CIMAP1D: variants seen among roughly 807,000 people sequenced by gnomAD.
The protein encoded by CIMAP1D is CIMAP1 family member D.
At chr19:473,523 G>A in the CIMAP1D span, among the ~76,000 whole-genome samples, 2 of 33,296 alleles carry the variant, frequency 6.0e-5, no homozygotes, top group East Asian at 1.1e-3. Flanking sequence ...GAGAAACACG[G>A]TCACAGATGG....
At chr19:472,013 T>C in the CIMAP1D span, among the ~76,000 whole-genome samples, 7 of 152,254 alleles carry the variant, frequency 4.6e-5, no homozygotes, top group African/African-American at 1.7e-4. Flanking sequence ...CCTTAAGTGC[T>C]GGGATTTCAG....
chr19:490,240 C>CA, the CIMAP1D span: 2 of 301,882 alleles, frequency 6.6e-6, no homozygotes, highest in Non-Finnish European at 1.2e-5. Context: ...CCTGTGGTCC[C>CA]ACCTACTTGG....
chr19:486,730 C>T, the CIMAP1D span, among the ~76,000 whole-genome samples: 1 of 151,334 alleles, frequency 6.6e-6, no homozygotes, highest in Non-Finnish European at 1.5e-5. Context: ...CTGGCTAATA[C>T]AGTGAAACCC....
chr19:483,319 C>G, the CIMAP1D span, among the ~76,000 whole-genome samples: 1 of 150,926 alleles, frequency 6.6e-6, no homozygotes, highest in Non-Finnish European at 1.5e-5. Context: ...CAAAAGGCCA[C>G]TCTATGTCAG....
the CIMAP1D span, chr19:472,502 C>T: frequency 1.3e-6 from 2 of 1,540,480 alleles, no homozygotes; most frequent in Non-Finnish European, 1.8e-6. Flanking sequence ...GGCCCCGAGC[C>T]TGCAGCCCAA....
the CIMAP1D span, among the ~76,000 whole-genome samples, chr19:467,978 G>A: frequency 6.6e-6 from 1 of 152,174 alleles, no homozygotes; most frequent in Non-Finnish European, 1.5e-5. Context: ...CACAGTCAAA[G>A]TGATTCTGCT....
the CIMAP1D span, among the ~76,000 whole-genome samples, chr19:488,000 C>A: frequency 2.6e-5 from 4 of 152,110 alleles, no homozygotes; most frequent in African/African-American, 7.2e-5. Context: ...GTGCATGCAG[C>A]CCCCAGTCAC....
chr19:481,034 TGGGAAGGATGATG>T, the CIMAP1D span, among the ~76,000 whole-genome samples: 2 of 126,756 alleles, frequency 1.6e-5, no homozygotes, highest in African/African-American at 6.3e-5. Context: ...AGAAGGAATG[TGGGAAGGATGATG>T]GGGAAGGATG....
the CIMAP1D span, among the ~76,000 whole-genome samples, chr19:473,312 T>A: frequency 1.0e-4 from 2 of 19,064 alleles, no homozygotes; most frequent in Admixed American, 5.8e-4. Flanking sequence ...TAGGCAGAGA[T>A]ACATGGTCAC....
At chr19:465,668 G>A in the CIMAP1D span, among the ~76,000 whole-genome samples, 2 of 141,958 alleles carry the variant, frequency 1.4e-5, no homozygotes, top group Non-Finnish European at 3.1e-5. Flanking sequence ...TGGGTGGGTA[G>A]ATGGATGGGC....
At chr19:477,911 G>A in the CIMAP1D span, among the ~76,000 whole-genome samples, 6 of 152,148 alleles carry the variant, frequency 3.9e-5, no homozygotes, top group Non-Finnish European at 8.8e-5. Context: ...TGACCATCCG[G>A]ACCTGCTTTC....
chr19:491,291 T>G, the CIMAP1D span, among the ~76,000 whole-genome samples: 2 of 151,996 alleles, frequency 1.3e-5, no homozygotes, highest in African/African-American at 4.8e-5. Flanking sequence ...AAAGAAGGCT[T>G]TTAAAGAAAC....
the CIMAP1D span, among the ~76,000 whole-genome samples, chr19:471,836 G>T: frequency 1.3e-5 from 2 of 151,844 alleles, no homozygotes; most frequent in Non-Finnish European, 2.9e-5. Context: ...TCCGCCTCCC[G>T]GCTTCACGCC....
the CIMAP1D span, among the ~76,000 whole-genome samples, chr19:479,300 C>G: frequency 2.0e-5 from 3 of 152,046 alleles, no homozygotes; most frequent in Admixed American, 6.6e-5. Flanking sequence ...ACCTCCTCCT[C>G]TCTGCTCTTG....
chr19:474,714 G>A, the CIMAP1D span: 1 of 1,551,770 alleles, frequency 6.4e-7, no homozygotes, highest in African/African-American at 1.4e-5. Context: ...GCTGTGGCCA[G>A]CCGTGGGGTG....
the CIMAP1D span, chr19:467,805 A>C: frequency 7.7e-7 from 1 of 1,302,070 alleles, no homozygotes. Flanking sequence ...TTCTGAAGAC[A>C]GTGCCTGCCC....
At chr19:481,071 T>G in the CIMAP1D span, among the ~76,000 whole-genome samples, 2 of 121,546 alleles carry the variant, frequency 1.6e-5, no homozygotes. Flanking sequence ...GAAAGGATGA[T>G]GGGAAGGATG....
the CIMAP1D span, chr19:464,148 GT>G: frequency 3.3e-6 from 2 of 599,758 alleles, no homozygotes; most frequent in Non-Finnish European, 5.6e-6. Flanking sequence ...GGCGGGGGGG[GT>G]GCGGCCCACC....
the CIMAP1D span, chr19:463,663 CATG>C: frequency 2.3e-6 from 2 of 882,864 alleles, no homozygotes; most frequent in Non-Finnish European, 3.4e-6. Context: ...TGCACAGGGC[CATG>C]GGTCACAGCC....
Sources: gnomAD v4.1 joint callset for allele counts (sites outside exome capture counted in the v4.1 genomes callset) on GRCh38, gnomAD v4.1.1 for gene constraint, MANE v1.5 for transcripts, NCBI Gene and HGNC (gene_info 2026-07-23, HGNC 2026-07-21) for gene names.